Variants in UBN1 observed in about 807,000 individuals in gnomAD.
UBN1 encodes the protein ubinuclein-1.
UBN1 carries 17 observed loss-of-function variants against 108.5 expected under a neutral mutation model. The observed-to-expected ratio is 0.16, with a 90% confidence interval of 0.11 to 0.24. The LOEUF (loss-of-function observed/expected upper bound fraction) is 0.24. UBN1 is among the 10% of genes least tolerant of loss of function. The pLI, the probability that UBN1 is intolerant of heterozygous loss-of-function variation, is 1.00. For synonymous variants in UBN1, 726 were observed against 564.2 expected (o/e 1.29, Z -4.07); for missense variants, 1,595 against 1,394.4 (o/e 1.14, Z -2.29).
Position 4,870,645 on chromosome 16 carries a change from C to T in UBN1, c.1430+11C>T. The T allele has an allele frequency of 6.2e-7, 1 of 1,613,934 alleles. No individual in the cohort carries two copies. Among genetic ancestry groups the T allele is most frequent in the Non-Finnish European group, 8.5e-7 (1 of 1,179,944 alleles). On this transcript the variant is annotated intron_variant, in intron 10 of 17. Coordinates refer to ENST00000262376, the MANE Select transcript of UBN1 (RefSeq NM_001079514.3). ...GGCAAAGGTTGCCAAGTAAGTTTGT[C>T]CTGGCGCTTGCAGGTGCAACCCTCC...
intron 1 of UBN1, among the ~76,000 whole-genome samples, chr16:4,851,636 T>C (rs916209916): frequency 2.0e-5 from 3 of 151,838 alleles, no homozygotes; most frequent in African/African-American, 7.3e-5. Flanking sequence ...CTGGGCAACA[T>C]AGTGGGTCAG....
intron 8 of UBN1, among the ~76,000 whole-genome samples, chr16:4,869,963 T>G (rs1029208794): frequency 1.3e-5 from 2 of 152,224 alleles, no homozygotes; most frequent in Non-Finnish European, 2.9e-5. Context: ...TCCTGGGCTC[T>G]GTTTTCCTGG....
Position 4,870,883 on chromosome 16 carries a change from G to T in UBN1, c.1470G>T (p.Arg490=). Residue 490 remains arginine, a synonymous_variant, in exon 11 of 18, where the codon CGG becomes CGT. Coordinates refer to ENST00000262376, the MANE Select transcript of UBN1 (RefSeq NM_001079514.3). ...EEEKDKEQRD[R]ICSDEEEDEE... ...AGAAAGACAAGGAGCAGAGGGACCG[G>T]ATTTGTTCGGATGAGGAAGAAGATG... 1 of 1,614,092 alleles carries T rather than the reference G, an allele frequency of 6.2e-7. No homozygotes were observed. Among genetic ancestry groups the T allele is most frequent in the Non-Finnish European group, 8.5e-7 (1 of 1,179,996 alleles).
In UBN1 at chr16:4,854,748, A is replaced by C. The variant is rs564385919; in HGVS notation, c.249+1582A>C. Among the ~76,000 whole-genome samples, 624 of 150,058 alleles carry C rather than the reference A, an allele frequency of 4.2e-3. 2 individuals are homozygous for C. The highest frequency in any genetic ancestry group is 0.015 in the African/African-American group (592 of 40,628). On this transcript the variant is annotated intron_variant, in intron 2 of 17. Coordinates refer to ENST00000262376, the MANE Select transcript of UBN1 (RefSeq NM_001079514.3). ...AAAGCTGTTTTTTTTTTTGAGACAG[A>C]GTCTCGCTCTGTCGCCCAGGCTGGC...
rs1309766794 is a variant in UBN1 at position 4,874,747 on chromosome 16, C to G, written c.2337C>G (p.Ser779=). The G allele has an allele frequency of 2.5e-6, 4 of 1,613,956 alleles. No homozygotes were observed. The highest frequency in any genetic ancestry group is 3.3e-5 in the Admixed American group (2 of 60,004). Residue 779 remains serine (S), a synonymous_variant, in exon 15 of 18, where the codon TCC becomes TCG. Coordinates refer to ENST00000262376, the MANE Select transcript of UBN1 (RefSeq NM_001079514.3). ...AGGGCCTGCCAGAAGTACATCAGTC[C>G]AAAGCTAAGCACCACAGCTTGCCAC... is the stretch of plus-strand genomic sequence containing the variant. ...LNKGLPEVHQ[S]KAKHHSLPRT...
chr16:4,852,963 C>T lies in UBN1; in HGVS notation c.46C>T (p.Leu16=), dbSNP rs369841912. Residue 16 remains leucine (L), a synonymous_variant, in exon 2 of 18, where the codon CTG becomes TTG. Transcript: ENST00000262376. ...RVQFTSLPGS[L]NPAFLKKSRK... is the part of the protein sequence containing the mutation. ...CCAGTTCACCTCTCTCCCAGGTTCC[C>T]TGAATCCTGCGTTTTTGAAGAAGTC... 9 of 1,614,074 alleles carry T rather than the reference C, an allele frequency of 5.6e-6. 1 individual carries two copies. Among genetic ancestry groups the T allele is most frequent in the Non-Finnish European group, 7.6e-6 (9 of 1,180,052 alleles).
rs2088095366 is a variant in UBN1 at position 4,882,217 on chromosome 16, CTG to C, written c.*2086_*2087del. On this transcript the variant is annotated 3_prime_UTR_variant, in exon 18 of 18. Coordinates refer to ENST00000262376, the MANE Select transcript of UBN1 (RefSeq NM_001079514.3). ...GGTTTCCCTGGCGCAGCGAAAGTCT[CTG>C]AGCACTTACCGGGCGTGACCGTTTC... The C allele has an allele frequency of 1.3e-5, 2 of 152,630 alleles. No homozygotes were observed. The highest frequency in any genetic ancestry group is 4.8e-5 in the African/African-American group (2 of 41,408). The allele number at this position is 152,630 out of a possible 1,614,324, so 9.5% of individuals were successfully genotyped here.
chr16:4,848,389 A>T (rs1367749754), intron 1 of UBN1, 179 bp downstream of exon 1: 1 of 152,324 alleles, frequency 6.6e-6, no homozygotes, highest in Admixed American at 6.5e-5. Flanking sequence ...ACTTCAGCAG[A>T]CCAGGTAGAA....
intron 11 of UBN1, 34 bp downstream of exon 11, chr16:4,871,006 G>T: frequency 6.2e-7 from 1 of 1,612,634 alleles, no homozygotes; most frequent in Non-Finnish European, 8.5e-7. Context: ...CTCTTTGGAG[G>T]GTTGGTGGGG....
intron 4 of UBN1, 109 bp downstream of exon 4, chr16:4,858,772 C>A: frequency 9.1e-7 from 1 of 1,096,230 alleles, no homozygotes; most frequent in Non-Finnish European, 1.4e-6. Flanking sequence ...CTCTTCCCAG[C>A]ATGAGGCAGT....
chr16:4,878,438 A>G (rs917368035), intron 17 of UBN1, among the ~76,000 whole-genome samples: 2 of 152,132 alleles, frequency 1.3e-5, no homozygotes, highest in Admixed American at 6.5e-5. Flanking sequence ...CTGCCTCATG[A>G]TGTGCTGTGG....
chr16:4,880,215 C>T lies in UBN1; in HGVS notation c.*83C>T, dbSNP rs1257442220. ...TCCCAGGATGTACACTCACTGCGCCCTTTCTGCTGCTTGGTGTTCTTCTGG... is the reference window on the plus strand; with the variant it reads ...TCCCAGGATGTACACTCACTGCGCCTTTTCTGCTGCTTGGTGTTCTTCTGG... On this transcript the variant is annotated 3_prime_UTR_variant, in exon 18 of 18. Transcript: ENST00000262376. 6.9e-7 allele frequency: 1 copy of T among 1,444,148 alleles called. No individual in the cohort carries two copies. Among genetic ancestry groups the T allele is most frequent in the African/African-American group, 1.4e-5 (1 of 71,506 alleles). 89.5% of individuals were successfully genotyped at this position (1,444,148 alleles called of 1,614,324 possible).
Position 4,857,980 on chromosome 16 carries a change from C to T in UBN1, c.250-10C>T. 6.3e-7 allele frequency: 1 copy of T among 1,599,208 alleles called. No homozygotes were observed. Among genetic ancestry groups the T allele is most frequent in the Admixed American group, 1.7e-5 (1 of 57,332 alleles). On this transcript the variant is annotated splice_polypyrimidine_tract_variant and intron_variant, in intron 2 of 17. Coordinates refer to ENST00000262376, the MANE Select transcript of UBN1 (RefSeq NM_001079514.3). ...TCTGACTTATTTTTTGTGGAACGAT[C>T]TCTTTACAGAAGAAAGATCTGTCAG...
In UBN1 at chr16:4,875,353, C is replaced by G; in HGVS notation, c.2943C>G (p.Thr981=). The change falls in exon 15 of 18, where the codon ACC becomes ACG. Residue 981 remains threonine, a synonymous_variant. Transcript: ENST00000262376. ...GGPNGDSSGG[T]QGVAKLLTSP... is the part of the protein sequence containing the mutation. ...CAAACGGAGATTCCAGTGGTGGGAC[C>G]CAGGGAGTGGCAAAGTTGCTGACCT... is the stretch of plus-strand genomic sequence containing the variant. 6.2e-7 allele frequency: 1 copy of G among 1,614,192 alleles called. No individual in the cohort carries two copies. The highest frequency in any genetic ancestry group is 8.5e-7 in the Non-Finnish European group (1 of 1,180,044).
chr16:4,875,279 A>C lies in UBN1; in HGVS notation c.2869A>C (p.Lys957Gln). 6.2e-7 allele frequency: 1 copy of C among 1,614,226 alleles called. No individual in the cohort carries two copies. Among genetic ancestry groups the C allele is most frequent in the Non-Finnish European group, 8.5e-7 (1 of 1,180,048 alleles). The change falls in exon 15 of 18, where the codon AAA (lysine) becomes CAA (glutamine). Residue 957 changes from lysine (K) to glutamine (Q), a missense_variant. Around this residue, in one of 3 missense-constraint regions of UBN1, gnomAD observed 1,398 missense variants for 1,194.7 expected, o/e 1.17. Transcript: ENST00000262376. ...ACCCGTCCCAAGTTCAGCAGGGAAA[A>C]AAATGCCTGTTTCCCAGAAGTTGAC... is the stretch of plus-strand genomic sequence containing the variant. ...SRPVPSSAGK[K>Q]MPVSQKLTLV...
rs570747397 is a variant in UBN1, at chr16:4,875,419, G to A, written c.3009G>A (p.Ser1003=). The A allele has an allele frequency of 6.8e-6, 11 of 1,610,504 alleles. No individual in the cohort carries two copies. The highest frequency in any genetic ancestry group is 5.3e-5 in the African/African-American group (4 of 74,976). ...LKPSAVSSVT[S]STSLSKGASG... ...CCTCTGCAGTTAGTAGTGTGACATC[G>A]TCTACCTCCTTGTCAGTGAGTATCT... Residue 1003 remains serine (S), a synonymous_variant, in exon 15 of 18, where the codon TCG becomes TCA. Coordinates refer to ENST00000262376, the MANE Select transcript of UBN1 (RefSeq NM_001079514.3).
chr16:4,875,501 C>T, intron 15 of UBN1, 67 bp downstream of exon 15: 2 of 1,540,482 alleles, frequency 1.3e-6, no homozygotes, highest in South Asian at 2.5e-5. Flanking sequence ...GGTTGCTTGC[C>T]TTGCCCCGGG....
At position 4,875,500 on chromosome 16, in the gene UBN1, C is replaced by A. The variant is rs1056234203; in HGVS notation, c.3024+66C>A. 1.9e-6 allele frequency: 3 copies of A among 1,540,626 alleles called. No homozygotes were observed. In the African/African-American group the frequency reaches 4.1e-5, roughly 21 times the overall value. ...GGGGCCTTGGGGATGAGGTTGCTTG[C>A]CTTGCCCCGGGTGGAGAGTGAGATC... On this transcript the variant is annotated intron_variant, in intron 15 of 17. Coordinates refer to ENST00000262376, the MANE Select transcript of UBN1 (RefSeq NM_001079514.3).
Position 4,870,216 on chromosome 16 carries a change from G to C in UBN1, c.1186G>C (p.Glu396Gln). Residue 396 changes from glutamate (E) to glutamine (Q), a missense_variant, in exon 9 of 18, where the codon GAG becomes CAG. Glu to Gln is a conservative substitution (Grantham distance 29). Transcript: ENST00000262376. ...TGACTGTGTTTTGTTCTTCAGCATA[G>C]AGGCGCAGACTCGGGAGCTGAGCAG... Reference protein sequence around the residue: ...QDINGILLDIEAQTRELSSQV... With the variant: ...QDINGILLDIQAQTRELSSQV... 6.2e-7 allele frequency: 1 copy of C among 1,614,242 alleles called. No individual in the cohort carries two copies. Among genetic ancestry groups the C allele is most frequent in the South Asian group, 1.1e-5 (1 of 91,080 alleles).
Sources: gnomAD v4.1 joint callset for allele counts (sites outside exome capture counted in the v4.1 genomes callset) on GRCh38, gnomAD v4.1.1 for gene constraint, gnomAD v4.1.1 regional missense constraint, MANE v1.5 for transcripts, NCBI Gene and HGNC (gene_info 2026-07-23, HGNC 2026-07-21) for gene names.